KIF26B: variants seen among roughly 807,000 people sequenced by gnomAD.
KIF26B encodes the protein kinesin family member 26B, also known as kinesin-like protein KIF26B.
KIF26B carries 63 observed loss-of-function variants against 151.2 expected under a neutral mutation model. That is an observed-to-expected ratio of 0.42 (90% CI 0.34 to 0.51). KIF26B has a LOEUF of 0.51. Ranked by LOEUF, KIF26B falls within the 20% of genes least tolerant of loss-of-function variation. KIF26B has a pLI of 0.07. For synonymous variants in KIF26B, 1,357 were observed against 1,262.1 expected (o/e 1.08, Z -1.59); for missense variants, 2,813 against 2,913.6 (o/e 0.97, Z 0.79).
intron 2 of KIF26B, among the ~76,000 whole-genome samples, chr1:245,329,663 C>T (rs34938134): frequency 0.2 from 30,450 of 152,024 alleles, 4,177 homozygotes; most frequent in African/African-American, 0.35. Flanking sequence ...CTGCCCCTGC[C>T]CCTTTCCAGG....
At position 245,184,050 on chromosome 1, in the gene KIF26B, G is replaced by GTTTTTTTT. The variant is rs758993117; in HGVS notation, c.465+27379_465+27386dup. Among the ~76,000 whole-genome samples the GTTTTTTTT allele has an allele frequency of 4.8e-3, 95 of 19,780 alleles. 18 individuals are homozygous for GTTTTTTTT. Among genetic ancestry groups the GTTTTTTTT allele is most frequent in the East Asian group, 0.026 (15 of 578 alleles). The allele number at this position is 19,780 out of a possible 152,430, so 13.0% of individuals were successfully genotyped here. Reference sequence around the variant, plus strand: ...GCAACAGGTATGGGTGGGAGTTGTTGTTTTTTTTTTTTTTTTTTTGAGCTT... The same window carrying GTTTTTTTT: ...GCAACAGGTATGGGTGGGAGTTGTTGTTTTTTTTTTTTTTTTTTTTTTTTTTTGAGCTT... On this transcript the variant is annotated intron_variant, in intron 2 of 14. Transcript: ENST00000407071.
intron 2 of KIF26B, among the ~76,000 whole-genome samples, chr1:245,221,194 A>G (rs1352696783): frequency 6.6e-6 from 1 of 152,118 alleles, no homozygotes; most frequent in African/African-American, 2.4e-5. Flanking sequence ...AAGAGCATCA[A>G]CAGTAACGGC....
At chr1:245,307,027 A>T (rs1671568572) in intron 2 of KIF26B, among the ~76,000 whole-genome samples, 1 of 152,244 alleles carries the variant, frequency 6.6e-6, no homozygotes, top group Non-Finnish European at 1.5e-5. Context: ...AGAACAATGC[A>T]GGATCAAACT....
chr1:245,215,456 A>G (rs1220450235), intron 2 of KIF26B, among the ~76,000 whole-genome samples: 2 of 152,136 alleles, frequency 1.3e-5, no homozygotes, highest in East Asian at 1.9e-4. Flanking sequence ...TGAGACATGA[A>G]GCAGATGCTG....
intron 5 of KIF26B, among the ~76,000 whole-genome samples, chr1:245,593,038 C>G (rs1381012501): frequency 3.9e-5 from 6 of 152,086 alleles, no homozygotes; most frequent in Admixed American, 3.3e-4. Flanking sequence ...TTTGGTACCC[C>G]AAAAAACTTC....
rs1670269413 is a variant in KIF26B, at chr1:245,244,149, G to A, written c.465+87466G>A. 2.0e-5 allele frequency among the ~76,000 whole-genome samples: 3 copies of A among 152,012 alleles called. No individual in the cohort carries two copies. In the South Asian group the frequency reaches 6.2e-4, roughly 32 times the overall value. On this transcript the variant is annotated intron_variant, in intron 2 of 14. Transcript: ENST00000407071. This position sits in a 1 kb window ranked among gnomAD's most constrained non-coding sequence, Gnocchi z 4.2. ...TTTATTTATTTTTTGTAGAGATTGG[G>A]TCTTGCTATGTTACCCAGGCTGATC... is the stretch of plus-strand genomic sequence containing the variant.
At chr1:245,461,476 C>T (rs1280434444) in intron 4 of KIF26B, among the ~76,000 whole-genome samples, 2 of 152,150 alleles carry the variant, frequency 1.3e-5, no homozygotes, top group African/African-American at 4.8e-5. Flanking sequence ...ATCCGCTCAT[C>T]ACGTGTCCTG....
chr1:245,609,495 G>A lies in KIF26B; in HGVS notation c.1881G>A (p.Val627=), dbSNP rs777655322. The change falls in exon 8 of 15, where the codon GTG becomes GTA. Residue 627 remains valine, a synonymous_variant. Transcript: ENST00000407071. ...TGCAGGACGGCCAGTCCCCGGGCGT[G>A]TACCTCTGTGAGGACCCCATCTGCG... ...GSLQDGQSPG[V]YLCEDPICGT... 2 of 1,590,104 alleles carry A rather than the reference G, an allele frequency of 1.3e-6. No individual in the cohort carries two copies. Among genetic ancestry groups the A allele is most frequent in the Non-Finnish European group, 1.7e-6 (2 of 1,167,312 alleles).
chr1:245,216,940 G>A (rs1198410664), intron 2 of KIF26B, among the ~76,000 whole-genome samples: 1 of 152,198 alleles, frequency 6.6e-6, no homozygotes. Context: ...TACTGCATCT[G>A]TTAGAGAGGC....
chr1:245,286,222 G>T (rs1391972568), intron 2 of KIF26B, among the ~76,000 whole-genome samples: 4 of 151,874 alleles, frequency 2.6e-5, no homozygotes, highest in Non-Finnish European at 5.9e-5. Flanking sequence ...GGCCGGGATG[G>T]GTAGGACAAG....
chr1:245,587,171 ACT>A (rs2043237093), intron 5 of KIF26B, among the ~76,000 whole-genome samples: 3 of 152,170 alleles, frequency 2.0e-5, no homozygotes, highest in Non-Finnish European at 4.4e-5. Context: ...CACAGCTGAC[ACT>A]GAGTCCTCTT....
chr1:245,537,700 G>A (rs1200775433), intron 4 of KIF26B, among the ~76,000 whole-genome samples: 1 of 152,146 alleles, frequency 6.6e-6, no homozygotes, highest in East Asian at 1.9e-4. Context: ...TGGAAGGATG[G>A]AATTGCCATT....
At chr1:245,520,619 T>C (rs199643486) in intron 4 of KIF26B, among the ~76,000 whole-genome samples, 13 of 137,514 alleles carry the variant, frequency 9.5e-5, no homozygotes, top group African/African-American at 3.3e-4. Flanking sequence ...CACCCATCCA[T>C]CCATCCATCC....
intron 5 of KIF26B, among the ~76,000 whole-genome samples, chr1:245,544,077 C>T (rs544050395): frequency 1.2e-3 from 181 of 152,302 alleles, no homozygotes; most frequent in African/African-American, 4.2e-3. Flanking sequence ...AACTGCCTGA[C>T]CTCAGCGAAG....
chr1:245,389,624 A>G (rs1673636468), intron 3 of KIF26B, among the ~76,000 whole-genome samples: 1 of 152,222 alleles, frequency 6.6e-6, no homozygotes, highest in Admixed American at 6.5e-5. Context: ...CTGAAAAGAT[A>G]TTGTCCTCCC....
At chr1:245,451,161 T>G (rs931703491) in intron 4 of KIF26B, among the ~76,000 whole-genome samples, 2 of 152,206 alleles carry the variant, frequency 1.3e-5, no homozygotes, top group Non-Finnish European at 2.9e-5. Context: ...TTATTCTTTT[T>G]TGTAACTTTT....
intron 2 of KIF26B, among the ~76,000 whole-genome samples, chr1:245,248,082 C>T (rs1264407483): frequency 4.6e-5 from 7 of 151,962 alleles, no homozygotes; most frequent in Non-Finnish European, 8.8e-5. Context: ...TGCTCAACAG[C>T]CTGGGTGAGT....
At chr1:245,159,392 T>C (rs1668498456) in intron 2 of KIF26B, among the ~76,000 whole-genome samples, 1 of 152,230 alleles carries the variant, frequency 6.6e-6, no homozygotes, top group Non-Finnish European at 1.5e-5. Context: ...ATTTACTTTG[T>C]GACATTGGGT....
rs146816488 is a variant in KIF26B at position 245,167,866 on chromosome 1, GGGA to G, written c.465+11196_465+11198del. On this transcript the variant is annotated intron_variant, in intron 2 of 14. Transcript: ENST00000407071. The surrounding 1 kb of genome is among the most constrained non-coding windows in gnomAD (Gnocchi z 4.2). Reference sequence around the variant, plus strand: ...AGGATAGAAAGGAGAGGAATAAGAGGGGAGGAGGAGGAGGACGGATGAGAGAGA... The same window carrying G: ...AGGATAGAAAGGAGAGGAATAAGAGGGGAGGAGGAGGACGGATGAGAGAGA... 1.5e-4 allele frequency among the ~76,000 whole-genome samples: 23 copies of G among 152,086 alleles called. No individual in the cohort carries two copies. The highest frequency in any genetic ancestry group is 4.6e-4 in the African/African-American group (19 of 41,480).
Sources: allele counts gnomAD v4.1 joint callset (sites outside exome capture counted in the v4.1 genomes callset), GRCh38; gene constraint gnomAD v4.1.1; non-coding constraint Gnocchi (gnomAD v3.1); transcripts MANE v1.5; gene names NCBI Gene and HGNC (gene_info 2026-07-23, HGNC 2026-07-21).